Variants in ASF1B observed in about 807,000 individuals in gnomAD.
ASF1B encodes the protein anti-silencing function 1B histone chaperone.
A neutral mutation model predicts 16.6 loss-of-function variants in ASF1B; 10 were observed. The observed-to-expected ratio is 0.60, with a 90% CI of 0.37 to 1.02. ASF1B has a LOEUF of 1.02. ASF1B is among the 50% of genes least tolerant of loss of function. ASF1B has a pLI of 0.01. For missense variants in ASF1B, 240 were observed against 266.0 expected, an observed-to-expected ratio of 0.90 and a Z score of 0.68; for synonymous variants, 101 against 106.2, an observed-to-expected ratio of 0.95 and a Z score of 0.30.
intron 1 of ASF1B, 28 bp downstream of exon 1, chr19:14,136,319 TG>T: frequency 1.3e-6 from 2 of 1,584,468 alleles, no homozygotes; most frequent in Non-Finnish European, 8.6e-7. Flanking sequence ...GGCCCGGGGG[TG>T]GGGGTCCCCG....
At chr19:14,127,023 G>A (rs547541524) in intron 1 of ASF1B, among the ~76,000 whole-genome samples, 7 of 152,364 alleles carry the variant, frequency 4.6e-5, no homozygotes, top group African/African-American at 7.2e-5. Context: ...CTGGGCTCAA[G>A]CGATCCTCCT....
intron 1 of ASF1B, among the ~76,000 whole-genome samples, chr19:14,134,238 A>T (rs1469421537): frequency 6.6e-6 from 1 of 152,044 alleles, no homozygotes; most frequent in African/African-American, 2.4e-5. Flanking sequence ...CTTATTCCAC[A>T]GCGTCATTCT....
intron 2 of ASF1B, among the ~76,000 whole-genome samples, chr19:14,123,681 C>CT (rs1967275820): frequency 6.6e-6 from 1 of 150,970 alleles, no homozygotes; most frequent in Non-Finnish European, 1.5e-5. Context: ...CACCGGCCTT[C>CT]TTTTTTTAAA....
chr19:14,136,461 T>C lies in ASF1B; in HGVS notation c.-5A>G, dbSNP rs766704120. 1.1e-5 allele frequency: 18 copies of C among 1,611,736 alleles called. 1 individual carries two copies. Among genetic ancestry groups the C allele is most frequent in the Middle Eastern group, 3.3e-4 (2 of 6,056 alleles). On this transcript the variant is annotated 5_prime_UTR_variant, in exon 1 of 4. Transcript: ENST00000263382. The stretch of plus-strand genomic sequence containing the variant: ...CAGCACCGACACCTTGGCCATCGCC[T>C]CGCCTCGCCGCGCCGCAGCAGGGGC...
At chr19:14,127,042 C>T (rs1265236738) in intron 1 of ASF1B, among the ~76,000 whole-genome samples, 1 of 152,246 alleles carries the variant, frequency 6.6e-6, no homozygotes, top group Non-Finnish European at 1.5e-5. Context: ...CTGCCTCGGA[C>T]TCCCACCATG....
chr19:14,128,749 G>A (rs145776832), intron 1 of ASF1B, among the ~76,000 whole-genome samples: 3 of 152,278 alleles, frequency 2.0e-5, no homozygotes, highest in African/African-American at 4.8e-5. Flanking sequence ...GAGCCATCAT[G>A]TCCAGCCTGT....
At chr19:14,126,026 T>C in intron 2 of ASF1B, 96 bp downstream of exon 2, 3 of 1,027,164 alleles carry the variant, frequency 2.9e-6, no homozygotes, top group East Asian at 2.5e-5. Context: ...CAGCTGAACT[T>C]GAACTTTTGA....
In ASF1B at chr19:14,119,750, C is replaced by G. The variant is rs1967205133; in HGVS notation, c.*709G>C. On this transcript the variant is annotated 3_prime_UTR_variant, in exon 4 of 4. Transcript: ENST00000263382. ...TGCCAGAGGCAGAGGGTCCCTGACC[C>G]TGGCCCGGAGACAGACTGCCCAGGC... 6.6e-6 allele frequency: 1 copy of G among 152,630 alleles called. No individual in the cohort carries two copies. The highest frequency in any genetic ancestry group is 6.5e-5 in the Admixed American group (1 of 15,276). The allele number at this position is 152,630 out of a possible 1,614,324, so 9.5% of individuals were successfully genotyped here. A position where few individuals can be genotyped will look rare whatever the true frequency, so the allele number is the denominator to read the frequency against.
rs1243801296 is a variant in ASF1B, at chr19:14,120,480, C to T, written c.588G>A (p.Glu196=). ...GCAGTTAGATGCAGTCCATGGAGTT[C>T]TCAGGGAGGAGGCCAGGGATGCAGC... ...LPGCIPGLLP[E]NSMDCI The change falls in exon 4 of 4, where the codon GAG becomes GAA. Residue 196 remains glutamate, a synonymous_variant. Transcript: ENST00000263382. The T allele has an allele frequency of 3.1e-6, 5 of 1,612,754 alleles. No individual in the cohort carries two copies. Among genetic ancestry groups the T allele is most frequent in the Non-Finnish European group, 4.2e-6 (5 of 1,179,478 alleles).
chr19:14,120,523 T>G lies in ASF1B; in HGVS notation c.545A>C (p.Lys182Thr), dbSNP rs1250630191. 1 of 1,613,506 alleles carries G rather than the reference T, an allele frequency of 6.2e-7. No homozygotes were observed. The highest frequency in any genetic ancestry group is 1.7e-5 in the Admixed American group (1 of 59,916). Reference protein sequence around the residue: ...CGLPLNCTPIKGLGLPGCIPG... With the variant: ...CGLPLNCTPITGLGLPGCIPG... ...GATGCAGCCAGGGAGCCCCAAGCCC[T>G]TGATAGGAGTGCAGTTGAGTGGGAG... Residue 182 changes from lysine to threonine, a missense_variant, in exon 4 of 4, where the codon AAG becomes ACG. Coordinates refer to ENST00000263382, the MANE Select transcript of ASF1B (RefSeq NM_018154.3).
chr19:14,126,173 G>T lies in ASF1B; in HGVS notation c.174C>A (p.Asp58Glu). 1 of 1,612,978 alleles carries T rather than the reference G, an allele frequency of 6.2e-7. No individual in the cohort carries two copies. The highest frequency in any genetic ancestry group is 1.1e-5 in the South Asian group (1 of 90,780). The change falls in exon 2 of 4, where the codon GAC becomes GAA. Residue 58 changes from aspartate (D) to glutamate (E), a missense_variant. Asp to Glu is a conservative substitution (Grantham distance 45). Transcript: ENST00000263382. ...AESEEFDQIL[D>E]SVLVGPVPAG... Reference sequence around the variant, plus strand: ...CTGGCACAGGGCCCACCAGCACCGAGTCTAGGATCTGATCAAATTCCTCAC... The same window carrying T: ...CTGGCACAGGGCCCACCAGCACCGATTCTAGGATCTGATCAAATTCCTCAC...
rs961814564 is a variant in ASF1B at position 14,136,575 on chromosome 19, C to G, written c.-119G>C. The G allele has an allele frequency of 3.9e-6, 3 of 765,002 alleles. No homozygotes were observed. The highest frequency in any genetic ancestry group is 4.1e-6 in the Non-Finnish European group (2 of 485,748). The allele number at this position is 765,002 out of a possible 1,614,324, so 47.4% of individuals were successfully genotyped here. A position where few individuals can be genotyped will look rare whatever the true frequency, so the allele number is the denominator to read the frequency against. ...CAGGTCCACTCCCGCCTCTTCTCTC[C>G]GAGAACTGAAGTGCGCACCTAGTCC... On this transcript the variant is annotated 5_prime_UTR_variant, in exon 1 of 4. Transcript: ENST00000263382.
At chr19:14,121,407 C>A (rs1382032773) in intron 3 of ASF1B, 125 bp downstream of exon 3, 1 of 1,074,096 alleles carries the variant, frequency 9.3e-7, no homozygotes, top group Non-Finnish European at 1.4e-6. Context: ...TAACACAGTA[C>A]TGTAAGAACT....
At chr19:14,132,948 G>C (rs571560225) in intron 1 of ASF1B, among the ~76,000 whole-genome samples, 1 of 151,700 alleles carries the variant, frequency 6.6e-6, no homozygotes, top group Admixed American at 6.6e-5. Flanking sequence ...GTGAAACCCC[G>C]TCTCTACTAA....
intron 1 of ASF1B, among the ~76,000 whole-genome samples, chr19:14,126,480 TTC>T (rs1353718193): frequency 6.6e-6 from 1 of 152,066 alleles, no homozygotes; most frequent in Non-Finnish European, 1.5e-5. Flanking sequence ...AATTTTTTTT[TTC>T]TTTTTTGAGA....
At chr19:14,136,210 G>T in intron 1 of ASF1B, 138 bp downstream of exon 1, 1 of 619,976 alleles carries the variant, frequency 1.6e-6, no homozygotes, top group Non-Finnish European at 2.8e-6. Flanking sequence ...GTTGACTGGC[G>T]GGCTGGGGGA....
chr19:14,129,845 G>A (rs142827019), intron 1 of ASF1B, among the ~76,000 whole-genome samples: 4 of 151,076 alleles, frequency 2.6e-5, no homozygotes, highest in Non-Finnish European at 4.4e-5. Context: ...TCAGAAGTTC[G>A]AGATCAGCCT....
intron 2 of ASF1B, among the ~76,000 whole-genome samples, chr19:14,124,374 G>A (rs1045172327): frequency 1.3e-5 from 2 of 151,730 alleles, no homozygotes; most frequent in Non-Finnish European, 2.9e-5. Flanking sequence ...AGGCTAGTCT[G>A]GAACTCCTGG....
At chr19:14,122,708 C>A (rs1967259001) in intron 2 of ASF1B, among the ~76,000 whole-genome samples, 1 of 152,170 alleles carries the variant, frequency 6.6e-6, no homozygotes, top group Admixed American at 6.6e-5. Context: ...CAAATGACTA[C>A]AAAACGTTGA....
Sources: gnomAD v4.1 joint callset for allele counts (sites outside exome capture counted in the v4.1 genomes callset) on GRCh38, gnomAD v4.1.1 for gene constraint, MANE v1.5 for transcripts, NCBI Gene and HGNC (gene_info 2026-07-23, HGNC 2026-07-21) for gene names.